WDR41: variants seen among roughly 807,000 people sequenced by gnomAD.
The protein encoded by WDR41 is WD repeat-containing protein 41.
Under a neutral mutation model 69.3 loss-of-function variants are expected in WDR41, and 63 were observed. That is an observed-to-expected ratio of 0.91 (90% confidence interval 0.74 to 1.12). The LOEUF (loss-of-function observed/expected upper bound fraction) is 1.12, where lower values mean the gene tolerates loss of function less well. Among genes scored for constraint, WDR41 ranks in the 50% most tolerant of loss-of-function variants. The pLI is 0.00. For synonymous variants in WDR41, 185 were observed against 192.1 expected (o/e 0.96, Z 0.31); for missense variants, 543 against 534.5 (o/e 1.02, Z -0.16).
intron 1 of WDR41, among the ~76,000 whole-genome samples, chr5:77,586,144 A>G (rs1272495244): frequency 1.3e-5 from 2 of 152,190 alleles, no homozygotes; most frequent in Admixed American, 6.5e-5. Context: ...ATAACTTTTC[A>G]TTTGCAAAAA....
At chr5:77,612,832 T>C (rs1744590393) in intron 1 of WDR41, among the ~76,000 whole-genome samples, 3 of 150,928 alleles carry the variant, frequency 2.0e-5, no homozygotes, top group Non-Finnish European at 4.4e-5. Context: ...GGTATTCAAT[T>C]AGGAAAAGAG....
chr5:77,608,837 G>A (rs942988842), intron 1 of WDR41, among the ~76,000 whole-genome samples: 19 of 152,356 alleles, frequency 1.2e-4, no homozygotes, highest in Admixed American at 2.6e-4. Flanking sequence ...TGCGCAAGCC[G>A]AAGCAGGGCG....
rs982456375 is a variant in WDR41 at position 77,503,227 on chromosome 5, T to C, written c.43-13655A>G. ...AAAAAAAAAGCAGGAGTTGCCATCC[T>C]AGTCTCTGATAAAACAGACTTTAAA... On this transcript the variant is annotated intron_variant, in intron 1 of 5. Coordinates refer to the WDR41 transcript ENST00000509971. Among the ~76,000 whole-genome samples the C allele has an allele frequency of 6.5e-4, 94 of 144,184 alleles. 2 individuals carry two copies. The highest frequency in any genetic ancestry group is 3.8e-3 in the Middle Eastern group (1 of 264). 94.6% of individuals were successfully genotyped at this position (144,184 alleles called of 152,430 possible).
chr5:77,482,152 T>C (rs1171356348), intron 2 of WDR41, among the ~76,000 whole-genome samples: 3 of 152,294 alleles, frequency 2.0e-5, no homozygotes, highest in Non-Finnish European at 4.4e-5. Flanking sequence ...TAATTATCAA[T>C]TTATGGCCAC....
intron 1 of WDR41, among the ~76,000 whole-genome samples, chr5:77,518,734 C>T (rs1429929399): frequency 6.6e-6 from 1 of 152,010 alleles, no homozygotes; most frequent in Non-Finnish European, 1.5e-5. Flanking sequence ...ATAAGATAAA[C>T]CACTTTCCAA....
At chr5:77,600,986 C>G (rs1046274558) in intron 1 of WDR41, among the ~76,000 whole-genome samples, 6 of 146,788 alleles carry the variant, frequency 4.1e-5, no homozygotes, top group Non-Finnish European at 7.5e-5. Flanking sequence ...CAGTGTGTAT[C>G]TAGTCATCAT....
At chr5:77,555,743 CTAAA>C (rs1237862306) in intron 1 of WDR41, among the ~76,000 whole-genome samples, 1 of 152,052 alleles carries the variant, frequency 6.6e-6, no homozygotes, top group African/African-American at 2.4e-5. Flanking sequence ...GATAAAAAGA[CTAAA>C]TAAATGAAGT....
chr5:77,475,249 C>T (rs950387307), intron 2 of WDR41, among the ~76,000 whole-genome samples: 3 of 152,192 alleles, frequency 2.0e-5, no homozygotes, highest in Non-Finnish European at 4.4e-5. Context: ...GAGGGGCGCC[C>T]GCCATTGCCC....
intron 1 of WDR41, among the ~76,000 whole-genome samples, chr5:77,491,012 G>C (rs559505631): frequency 6.6e-6 from 1 of 152,310 alleles, no homozygotes; most frequent in Admixed American, 6.5e-5. Flanking sequence ...TTCTGTTCTT[G>C]TCAGGCCTCT....
intron 3 of WDR41, among the ~76,000 whole-genome samples, chr5:77,464,273 A>AATTTT (rs772388660): frequency 2.1e-5 from 2 of 95,484 alleles, no homozygotes; most frequent in Non-Finnish European, 4.2e-5. Flanking sequence ...TTAGGAAAAA[A>AATTTT]CTTTTTTTTT....
At chr5:77,540,540 T>TA (rs376614670) in intron 1 of WDR41, 8 of 152,184 alleles carry the variant, frequency 5.3e-5, no homozygotes, top group Admixed American at 1.3e-4. Context: ...TCCGTCTCTA[T>TA]AAAAAATAAC....
chr5:77,615,606 T>C (rs1318111488), intron 1 of WDR41, among the ~76,000 whole-genome samples: 1 of 150,742 alleles, frequency 6.6e-6, no homozygotes, highest in Non-Finnish European at 1.5e-5. Flanking sequence ...CAATAATGAG[T>C]TTGTGTGATT....
At chr5:77,492,037 C>T in intron 1 of WDR41, 133 bp downstream of exon 1, 1 of 1,153,164 alleles carries the variant, frequency 8.7e-7, no homozygotes, top group Non-Finnish European at 1.2e-6. Context: ...GAGAACAGCG[C>T]GTGGCACGAG....
At chr5:77,442,933 ATAT>A (rs1399702030) in intron 8 of WDR41, among the ~76,000 whole-genome samples, 1 of 112,306 alleles carries the variant, frequency 8.9e-6, no homozygotes, top group African/African-American at 3.9e-5. Context: ...TCCATTTTAC[ATAT>A]TATTTATTTT....
At chr5:77,434,803 TTCACTC>T (rs1561723110) in intron 12 of WDR41, among the ~76,000 whole-genome samples, 2 of 152,256 alleles carry the variant, frequency 1.3e-5, no homozygotes, top group South Asian at 4.1e-4. Flanking sequence ...TCTCAACACT[TTCACTC>T]AGGAAAATTC....
At chr5:77,453,305 T>C (rs1561737958) in intron 6 of WDR41, among the ~76,000 whole-genome samples, 1 of 152,254 alleles carries the variant, frequency 6.6e-6, no homozygotes, top group Non-Finnish European at 1.5e-5. Context: ...ACTCTAAAAA[T>C]AGATTTTATT....
chr5:77,474,219 G>A (rs1353674280), intron 2 of WDR41, among the ~76,000 whole-genome samples: 1 of 152,092 alleles, frequency 6.6e-6, no homozygotes, highest in Non-Finnish European at 1.5e-5. Context: ...CTCACTCATA[G>A]GTGGGAACTG....
intron 1 of WDR41, among the ~76,000 whole-genome samples, chr5:77,573,247 TTCTCTC>T (rs139734736): frequency 2.0e-5 from 3 of 150,290 alleles, no homozygotes; most frequent in African/African-American, 4.9e-5. Context: ...TACTACCAGA[TTCTCTC>T]TCTCTCTCTC....
intron 1 of WDR41, among the ~76,000 whole-genome samples, chr5:77,615,790 C>G (rs1404347121): frequency 6.6e-6 from 1 of 150,440 alleles, no homozygotes; most frequent in Non-Finnish European, 1.5e-5. Context: ...GTCAGAGGTT[C>G]GAGACCACCC....
Sources: gnomAD v4.1 joint callset for allele counts (sites outside exome capture counted in the v4.1 genomes callset) on GRCh38, gnomAD v4.1.1 for gene constraint, MANE v1.5 for transcripts, NCBI Gene and HGNC (gene_info 2026-07-23, HGNC 2026-07-21) for gene names.